CLYBL: variants seen among roughly 807,000 people sequenced by gnomAD.
CLYBL encodes citramalyl-CoA lyase, mitochondrial.
CLYBL carries 31 observed loss-of-function variants against 38.9 expected under a neutral mutation model. The observed-to-expected ratio is 0.80, with a 90% CI of 0.60 to 1.08. The LOEUF is 1.08. Ranked by LOEUF, CLYBL falls within the 50% of genes least tolerant of loss-of-function variation. CLYBL has a pLI of 0.00. For missense variants in CLYBL, 434 were observed against 411.6 expected, an observed-to-expected ratio of 1.05 and a Z score of -0.47; for synonymous variants, 171 against 158.6, an observed-to-expected ratio of 1.08 and a Z score of -0.59.
chr13:99,610,513 A>G (rs1324908800), intron 1 of CLYBL, among the ~76,000 whole-genome samples: 1 of 152,174 alleles, frequency 6.6e-6, no homozygotes, highest in Non-Finnish European at 1.5e-5. Flanking sequence ...GTCATGTGCA[A>G]CCAGCGAGGT....
At chr13:99,730,230 C>G (rs1189702119) in intron 1 of CLYBL, among the ~76,000 whole-genome samples, 3 of 152,230 alleles carry the variant, frequency 2.0e-5, no homozygotes, top group African/African-American at 7.2e-5. Flanking sequence ...TGAGGCCTCA[C>G]TTTTCTGCAT....
intron 4 of CLYBL, 151 bp downstream of exon 4, chr13:99,863,243 G>C (rs2051653871): frequency 6.6e-6 from 3 of 456,492 alleles, no homozygotes; most frequent in Non-Finnish European, 1.1e-5. Flanking sequence ...ATCTGTAATA[G>C]TCCAAAAACC....
chr13:99,728,265 T>C (rs992715444), intron 1 of CLYBL, among the ~76,000 whole-genome samples: 2 of 147,646 alleles, frequency 1.4e-5, no homozygotes, highest in East Asian at 2.1e-4. Context: ...AATATACATA[T>C]GTTTCTTTTC....
chr13:99,642,855 C>T (rs2047116703), intron 1 of CLYBL, among the ~76,000 whole-genome samples: 1 of 152,082 alleles, frequency 6.6e-6, no homozygotes, highest in African/African-American at 2.4e-5. Context: ...ACCTCCCAGG[C>T]TCAAACCATC....
chr13:99,662,502 C>G (rs937698319), intron 1 of CLYBL, among the ~76,000 whole-genome samples: 1 of 121,322 alleles, frequency 8.2e-6, no homozygotes, highest in African/African-American at 3.1e-5. Context: ...TATTCCAAAT[C>G]TTTAAAACTT....
chr13:99,771,007 A>G (rs1038571831), intron 1 of CLYBL, among the ~76,000 whole-genome samples: 7 of 139,106 alleles, frequency 5.0e-5, no homozygotes, highest in African/African-American at 1.9e-4. Flanking sequence ...GGCGTAAGCC[A>G]CCACGCGGGG....
chr13:99,646,769 C>T (rs1486051596), intron 1 of CLYBL, among the ~76,000 whole-genome samples: 1 of 151,794 alleles, frequency 6.6e-6, no homozygotes, highest in Non-Finnish European at 1.5e-5. Context: ...CGTGATCCAC[C>T]CACCTTGGCC....
intron 2 of CLYBL, among the ~76,000 whole-genome samples, chr13:99,823,128 C>T (rs1038825471): frequency 4.6e-5 from 7 of 152,134 alleles, no homozygotes; most frequent in African/African-American, 1.7e-4. Context: ...TAATAATTGC[C>T]TTGAATTTAT....
At chr13:99,749,775 G>A (rs1376857432) in intron 1 of CLYBL, among the ~76,000 whole-genome samples, 2 of 152,112 alleles carry the variant, frequency 1.3e-5, no homozygotes, top group African/African-American at 4.8e-5. Context: ...CCAGTGGGAG[G>A]ACAAATAGCT....
At chr13:99,745,192 C>T (rs1377403872) in intron 1 of CLYBL, among the ~76,000 whole-genome samples, 2 of 152,228 alleles carry the variant, frequency 1.3e-5, no homozygotes, top group East Asian at 3.9e-4. Context: ...CCTATTCTGT[C>T]TTTCTTGCCA....
rs1450957067 is a variant in CLYBL, at chr13:99,772,912, G to A, written c.151G>A (p.Val51Ile). The stretch of plus-strand genomic sequence containing the variant: ...CATCCCCCGGAGGGCAGTGCTTTAT[G>A]TACCTGGAAATGATGAAAAGAAAAT... ...KYIPRRAVLY[V>I]PGNDEKKIKK... The change falls in exon 2 of 9, where the codon GTA becomes ATA. Residue 51 changes from valine to isoleucine, a missense_variant. By Grantham distance (29) the Val-to-Ile change is conservative. Coordinates refer to ENST00000339105, the MANE Select transcript of CLYBL (RefSeq NM_206808.5). The A allele has an allele frequency of 6.2e-7, 1 of 1,613,880 alleles. No individual in the cohort carries two copies. The highest frequency in any genetic ancestry group is 8.5e-7 in the Non-Finnish European group (1 of 1,179,892).
chr13:99,768,190 TTC>T (rs2049306822), intron 1 of CLYBL, among the ~76,000 whole-genome samples: 1 of 109,814 alleles, frequency 9.1e-6, no homozygotes, highest in South Asian at 3.1e-4. Context: ...TCTTTTCTTT[TTC>T]TTTTTTTTTT....
chr13:99,776,219 G>A (rs1182829645), intron 2 of CLYBL, among the ~76,000 whole-genome samples: 1 of 149,524 alleles, frequency 6.7e-6, no homozygotes, highest in Non-Finnish European at 1.5e-5. Flanking sequence ...TCTTGGCCGG[G>A]TGCAGTGGCT....
intron 1 of CLYBL, among the ~76,000 whole-genome samples, chr13:99,717,436 G>GAAAAAAAAAAAAAAAA (rs1172721313): frequency 5.5e-5 from 5 of 91,074 alleles, no homozygotes; most frequent in Admixed American, 1.3e-4. Context: ...AAAAAAATTA[G>GAAAAAAAAAAAAAAAA]AAAAAAAAAA....
chr13:99,721,474 T>G, intron 1 of CLYBL, among the ~76,000 whole-genome samples: 1 of 148,250 alleles, frequency 6.7e-6, no homozygotes, highest in South Asian at 2.1e-4. Context: ...TTTTTTTAAA[T>G]ATATATATAT....
At chr13:99,799,103 C>T (rs886997204) in intron 2 of CLYBL, among the ~76,000 whole-genome samples, 1 of 152,054 alleles carries the variant, frequency 6.6e-6, no homozygotes, top group Non-Finnish European at 1.5e-5. Context: ...TCTTAGAGAC[C>T]GTTTCTTTTT....
At chr13:99,687,300 G>A (rs1157271039) in intron 1 of CLYBL, among the ~76,000 whole-genome samples, 2 of 152,206 alleles carry the variant, frequency 1.3e-5, no homozygotes, top group South Asian at 2.1e-4. Context: ...CCTTGAATTA[G>A]CCATACCTTT....
chr13:99,871,178 G>T, intron 7 of CLYBL, 116 bp downstream of exon 7: 2 of 1,173,560 alleles, frequency 1.7e-6, no homozygotes, highest in Non-Finnish European at 2.5e-6. Context: ...GGAGAGGGGG[G>T]AAAGGGAGGG....
rs1313838834 is a variant in CLYBL, at chr13:99,828,296, A to G, written c.250-30565A>G. On this transcript the variant is annotated intron_variant, in intron 2 of 8. Coordinates refer to ENST00000339105, the MANE Select transcript of CLYBL (RefSeq NM_206808.5). ...ATTGTTCCCATATATTTCAACACAC[A>G]CACCTTAAACACAGGTTTTCTGAGT... is the stretch of plus-strand genomic sequence containing the variant. Among the ~76,000 whole-genome samples, 3 of 152,152 alleles carry G rather than the reference A, an allele frequency of 2.0e-5. No homozygotes were observed. In the East Asian group the frequency reaches 5.8e-4, roughly 29 times the overall value.
Sources: gnomAD v4.1 joint callset for allele counts (sites outside exome capture counted in the v4.1 genomes callset) on GRCh38, gnomAD v4.1.1 for gene constraint, MANE v1.5 for transcripts, NCBI Gene and HGNC (gene_info 2026-07-23, HGNC 2026-07-21) for gene names.